SLC23A1: variants seen among roughly 807,000 people sequenced by gnomAD.
SLC23A1 encodes the protein solute carrier family 23 member 1, also known as Na(+)/L-ascorbic acid transporter 1.
Under a neutral mutation model 62.5 loss-of-function variants are expected in SLC23A1, and 31 were observed. The observed-to-expected ratio is 0.50, with a 90% confidence interval of 0.37 to 0.67. The LOEUF is 0.67. SLC23A1 is among the 30% of genes least tolerant of loss of function. SLC23A1 has a pLI of 0.00. For synonymous variants in SLC23A1, 271 were observed against 313.2 expected, an observed-to-expected ratio of 0.87 and a Z score of 1.42; for missense variants, 640 against 782.7, an observed-to-expected ratio of 0.82 and a Z score of 2.18.
In SLC23A1 at chr5:139,367,295, C is replaced by T. The variant is rs1757308146; in HGVS notation, c.*356G>A. On this transcript the variant is annotated 3_prime_UTR_variant, in exon 15 of 15. Transcript: ENST00000348729. ...CTTGCAGCATACCTACATTTCAGGC[C>T]CTGGAACCTGCCCTCATTTCTTTTT... 2 of 152,016 alleles carry T rather than the reference C, an allele frequency of 1.3e-5. No individual in the cohort carries two copies. Among genetic ancestry groups the T allele is most frequent in the African/African-American group, 4.8e-5 (2 of 41,386 alleles). The allele number at this position is 152,016 out of a possible 1,614,324, so 9.4% of individuals were successfully genotyped here. A position where few individuals can be genotyped will look rare whatever the true frequency, so the allele number is the denominator to read the frequency against.
In SLC23A1 at chr5:139,380,205, C is replaced by T. The variant is rs1473477486; in HGVS notation, c.647+3G>A. ...GCAGGGATCAGGCCTGGTGCCTGCT[C>T]ACCAAGCTGAGATGCCCCAGTGGGA... is the stretch of plus-strand genomic sequence containing the variant. On this transcript the variant is annotated splice_donor_region_variant and intron_variant, in intron 6 of 14. Transcript: ENST00000348729. 26 of 1,557,202 alleles carry T rather than the reference C, an allele frequency of 1.7e-5. No individual in the cohort carries two copies. Among genetic ancestry groups the T allele is most frequent in the East Asian group, 2.4e-5 (1 of 41,264 alleles).
chr5:139,384,873 G>T, upstream of SLC23A1: 2 of 425,416 alleles, frequency 4.7e-6, no homozygotes, highest in Non-Finnish European at 6.3e-6. Context: ...TTTCCTCCTG[G>T]TGTCTAGGGT....
chr5:139,384,035 C>T (rs1243457868), upstream of SLC23A1, among the ~76,000 whole-genome samples: 1 of 152,188 alleles, frequency 6.6e-6, no homozygotes, highest in Non-Finnish European at 1.5e-5. Context: ...GGACCCAGTG[C>T]AAAGTAAGAA....
upstream of SLC23A1, chr5:139,384,468 G>A (rs887172705): frequency 5.4e-5 from 70 of 1,289,696 alleles, no homozygotes; most frequent in Non-Finnish European, 6.3e-5. Flanking sequence ...CCCGCCTGCC[G>A]GTGTCCACAC....
Position 139,378,315 on chromosome 5 carries a change from T to C in SLC23A1, c.1216A>G (p.Ile406Val). ...CCGATGGTGCCCAGGACCAGCATGA[T>C]AGCCGCACCATACTGCACCACGCGC... ...SRRVVQYGAA[I>V]MLVLGTIGKF... The change falls in exon 11 of 15, where the codon ATC becomes GTC. Residue 406 changes from isoleucine (I) to valine (V), a missense_variant. By Grantham distance (29) the Ile-to-Val change is conservative (BLOSUM62 3). Coordinates refer to ENST00000348729, the MANE Select transcript of SLC23A1 (RefSeq NM_005847.5). This position sits in a 1 kb window ranked among gnomAD's most constrained non-coding sequence, Gnocchi z 4.5. 1 of 1,585,982 alleles carries C rather than the reference T, an allele frequency of 6.3e-7. No individual in the cohort carries two copies. The highest frequency in any genetic ancestry group is 8.6e-7 in the Non-Finnish European group (1 of 1,166,932).
intron 3 of SLC23A1, 135 bp from the exon 4 acceptor site, chr5:139,381,021 G>T (rs1200580050): frequency 1.7e-6 from 1 of 592,800 alleles, no homozygotes; most frequent in Non-Finnish European, 3.1e-6. Context: ...GATGGAAATC[G>T]TTGAGGCCCC....
chr5:139,384,387 C>T, upstream of SLC23A1: 11 of 1,289,366 alleles, frequency 8.5e-6, no homozygotes, highest in Non-Finnish European at 1.1e-5. Flanking sequence ...TGGCCAGGCC[C>T]TGCCTGAAGG....
intron 1 of SLC23A1, 37 bp downstream of exon 1, chr5:139,383,181 C>T: frequency 3.7e-6 from 1 of 272,796 alleles, no homozygotes; most frequent in South Asian, 3.8e-5. Flanking sequence ...CCCCACCCCC[C>T]CTGCCCCCCC....
intron 13 of SLC23A1, among the ~76,000 whole-genome samples, chr5:139,373,863 T>C (rs921746221): frequency 6.6e-6 from 1 of 152,132 alleles, no homozygotes; most frequent in Admixed American, 6.5e-5. Context: ...CGTAGGACTA[T>C]GTTTCTGGTG....
chr5:139,368,705 C>T (rs996731438), intron 14 of SLC23A1: 4 of 1,539,600 alleles, frequency 2.6e-6, no homozygotes, highest in Admixed American at 3.4e-5. Flanking sequence ...TGTTAATGAA[C>T]TTGCTTTTTT....
At chr5:139,373,404 T>C (rs996799369) in intron 13 of SLC23A1, among the ~76,000 whole-genome samples, 9 of 152,138 alleles carry the variant, frequency 5.9e-5, no homozygotes, top group African/African-American at 2.2e-4. Context: ...GGTGTCGAAC[T>C]CCTGACCTCA....
rs1242465523 is a variant in SLC23A1, at chr5:139,381,889, C to T, written c.308+3G>A. 1.3e-6 allele frequency: 2 copies of T among 1,553,408 alleles called. No homozygotes were observed. Among genetic ancestry groups the T allele is most frequent in the Non-Finnish European group, 1.7e-6 (2 of 1,149,000 alleles). ...GGACGGGTTGGGGGGCTGGGCGGCT[C>T]ACCGGATGCCCACGGTGGTCTGGAT... On this transcript the variant is annotated splice_donor_region_variant and intron_variant, in intron 3 of 14. Coordinates refer to ENST00000348729, the MANE Select transcript of SLC23A1 (RefSeq NM_005847.5).
chr5:139,385,430 G>C (rs886541541), upstream of SLC23A1, among the ~76,000 whole-genome samples: 1 of 152,084 alleles, frequency 6.6e-6, no homozygotes, highest in African/African-American at 2.4e-5. Context: ...ATACCAGCTG[G>C]GGTCAAAGGC....
rs1207146759 is a variant in SLC23A1 at position 139,379,104 on chromosome 5, C to T, written c.1073+103G>A. On this transcript the variant is annotated intron_variant, in intron 9 of 14. Coordinates refer to ENST00000348729, the MANE Select transcript of SLC23A1 (RefSeq NM_005847.5). This position sits in a 1 kb window ranked among gnomAD's most constrained non-coding sequence, Gnocchi z 4.7. ...GGAGAATGAGGTCTGGAGCGTGTTC[C>T]CGACTTGCCTAAGCCTACCCCCTGG... is the stretch of plus-strand genomic sequence containing the variant. 1 of 1,204,308 alleles carries T rather than the reference C, an allele frequency of 8.3e-7. No individual in the cohort carries two copies. Among genetic ancestry groups the T allele is most frequent in the Non-Finnish European group, 1.2e-6 (1 of 827,942 alleles). 74.6% of individuals were successfully genotyped at this position (1,204,308 alleles called of 1,614,324 possible).
At chr5:139,384,667 A>G, upstream of SLC23A1, 2 of 1,209,966 alleles carry the variant, frequency 1.7e-6, no homozygotes, top group Non-Finnish European at 2.1e-6. Context: ...TGGACACTCA[A>G]TTCAACCCAA....
Position 139,379,115 on chromosome 5 carries a change from A to T in SLC23A1, c.1073+92T>A. On this transcript the variant is annotated intron_variant, in intron 9 of 14. Coordinates refer to ENST00000348729, the MANE Select transcript of SLC23A1 (RefSeq NM_005847.5). This position sits in a 1 kb window ranked among gnomAD's most constrained non-coding sequence, Gnocchi z 4.7. The stretch of plus-strand genomic sequence containing the variant: ...TCTGGAGCGTGTTCCCGACTTGCCT[A>T]AGCCTACCCCCTGGGCCTCCACCCC... The T allele has an allele frequency of 3.6e-6, 5 of 1,370,280 alleles. No individual in the cohort carries two copies. The highest frequency in any genetic ancestry group is 5.1e-6 in the Non-Finnish European group (5 of 973,388). 84.9% of individuals were successfully genotyped at this position (1,370,280 alleles called of 1,614,324 possible). A position where few individuals can be genotyped will look rare whatever the true frequency, so the allele number is the denominator to read the frequency against.
intron 3 of SLC23A1, 77 bp from the exon 4 acceptor site, chr5:139,380,963 G>C (rs940230655): frequency 4.1e-6 from 3 of 730,074 alleles, no homozygotes; most frequent in African/African-American, 3.5e-5. Context: ...GGAGAGATCA[G>C]GAAGGGAGAG....
chr5:139,368,787 G>A lies in SLC23A1; in HGVS notation c.*20-1156C>T, dbSNP rs1357183244. The A allele has an allele frequency of 6.2e-6, 10 of 1,611,740 alleles. No individual in the cohort carries two copies. The highest frequency in any genetic ancestry group is 2.2e-5 in the East Asian group (1 of 44,854). ...GGAGTTTGTTCCTGGGGTGAAGTAC[G>A]GAAATATTTGAGTAGACGGGGCCCT... On this transcript the variant is annotated intron_variant, in intron 14 of 14. Transcript: ENST00000348729.
intron 2 of SLC23A1, 50 bp from the exon 3 acceptor site, chr5:139,382,099 A>G: frequency 3.9e-6 from 6 of 1,555,770 alleles, no homozygotes; most frequent in Non-Finnish European, 5.2e-6. Flanking sequence ...CCAGAGCTCC[A>G]GGGAGAGGGG....
Sources: gnomAD v4.1 joint callset for allele counts (sites outside exome capture counted in the v4.1 genomes callset) on GRCh38, gnomAD v4.1.1 for gene constraint, Gnocchi (gnomAD v3.1) non-coding constraint, MANE v1.5 for transcripts, NCBI Gene and HGNC (gene_info 2026-07-23, HGNC 2026-07-21) for gene names.